Variants in LRRC4C observed in about 807,000 individuals in gnomAD.
LRRC4C encodes the protein leucine rich repeat containing 4C.
A neutral mutation model predicts 33.6 loss-of-function variants in LRRC4C; 5 were observed. The observed-to-expected ratio is 0.15, with a 90% CI of 0.08 to 0.31. The LOEUF (loss-of-function observed/expected upper bound fraction) is 0.31. Among genes scored for constraint, LRRC4C ranks in the 10% least tolerant of loss-of-function variants. The probability of loss-of-function intolerance (pLI) is 1.00; values close to 1 mark genes in which losing one functional copy is unlikely to be tolerated. For missense variants in LRRC4C, 560 were observed against 796.7 expected (o/e 0.70, Z 3.58); for synonymous variants, 329 against 302.0 (o/e 1.09, Z -0.93).
At chr11:40,336,865 T>C (rs1419957262) in intron 3 of LRRC4C, among the ~76,000 whole-genome samples, 10 of 148,702 alleles carry the variant, frequency 6.7e-5, no homozygotes, top group Non-Finnish European at 1.5e-4. Flanking sequence ...TAGTCCCAGC[T>C]ACTCGGGAGG....
At chr11:40,426,806 A>T (rs79882568) in intron 3 of LRRC4C, among the ~76,000 whole-genome samples, 5,566 of 152,252 alleles carry the variant, frequency 0.037, 342 homozygotes, top group African/African-American at 0.13. Context: ...ACATATAAGG[A>T]ATGTTTTAAA....
chr11:40,170,959 A>T (rs555855869), intron 5 of LRRC4C, among the ~76,000 whole-genome samples: 2 of 152,338 alleles, frequency 1.3e-5, no homozygotes, highest in Admixed American at 1.3e-4. Flanking sequence ...ATGGGAAGGC[A>T]TATAATATGT....
intron 1 of LRRC4C, among the ~76,000 whole-genome samples, chr11:41,427,085 T>C (rs1955067534): frequency 6.6e-6 from 1 of 152,170 alleles, no homozygotes; most frequent in African/African-American, 2.4e-5. Context: ...ATGGTATAGA[T>C]GTACAGGGAG....
chr11:41,164,877 C>T (rs1168194059), intron 1 of LRRC4C, among the ~76,000 whole-genome samples: 1 of 152,058 alleles, frequency 6.6e-6, no homozygotes, highest in African/African-American at 2.4e-5. Context: ...TCATAAAATC[C>T]CTCGTGGCTT....
At chr11:40,875,150 A>G (rs1954825021) in intron 2 of LRRC4C, among the ~76,000 whole-genome samples, 1 of 152,160 alleles carries the variant, frequency 6.6e-6, no homozygotes, top group African/African-American at 2.4e-5. Context: ...ATTTCTTAGA[A>G]CCAGGAAAAA....
chr11:40,154,287 C>CAAAAAAAAAAAAAAACAAAAAAAAAAAAA (rs1858481312), intron 5 of LRRC4C, among the ~76,000 whole-genome samples: 1 of 114,206 alleles, frequency 8.8e-6, no homozygotes, highest in African/African-American at 3.2e-5. Context: ...AGCTAAAAAG[C>CAAAAAAAAAAAAAAACAAAAAAAAAAAAA]AAAAAAAAAA....
intron 1 of LRRC4C, among the ~76,000 whole-genome samples, chr11:41,325,896 A>T (rs1444821639): frequency 6.6e-6 from 1 of 152,154 alleles, no homozygotes; most frequent in African/African-American, 2.4e-5. Flanking sequence ...AGCAGAAAAG[A>T]TAACTATTAG....
At chr11:41,225,052 T>C (rs1947468624) in intron 1 of LRRC4C, among the ~76,000 whole-genome samples, 1 of 152,112 alleles carries the variant, frequency 6.6e-6, no homozygotes, top group African/African-American at 2.4e-5. Flanking sequence ...CACGTTCTCA[T>C]TTATCTGTGG....
intron 1 of LRRC4C, among the ~76,000 whole-genome samples, chr11:41,318,408 A>G (rs568881234): frequency 3.4e-4 from 52 of 152,314 alleles, no homozygotes; most frequent in Admixed American, 7.2e-4. Flanking sequence ...AACAAATTCT[A>G]CTGTATTGGA....
At chr11:41,166,163 T>C (rs1252383071) in intron 1 of LRRC4C, among the ~76,000 whole-genome samples, 2 of 151,918 alleles carry the variant, frequency 1.3e-5, no homozygotes, top group African/African-American at 4.8e-5. Flanking sequence ...CTTTACTAAA[T>C]AAAACAAGGT....
chr11:41,130,179 A>T (rs1942946570), intron 1 of LRRC4C, among the ~76,000 whole-genome samples: 1 of 151,782 alleles, frequency 6.6e-6, no homozygotes, highest in Admixed American at 6.6e-5. Flanking sequence ...TGTCACTTTC[A>T]TCTGTACAGT....
intron 1 of LRRC4C, among the ~76,000 whole-genome samples, chr11:41,079,308 A>G (rs1358089207): frequency 6.6e-6 from 1 of 152,224 alleles, no homozygotes; most frequent in African/African-American, 2.4e-5. Flanking sequence ...ATGGAGAAGT[A>G]GCAATATCTA....
At chr11:40,974,466 A>G (rs1851940549) in intron 1 of LRRC4C, among the ~76,000 whole-genome samples, 1 of 152,214 alleles carries the variant, frequency 6.6e-6, no homozygotes, top group Non-Finnish European at 1.5e-5. Context: ...CGTCTGTTCA[A>G]AGTGAATGTT....
intron 1 of LRRC4C, among the ~76,000 whole-genome samples, chr11:41,174,452 T>G (rs1362780466): frequency 2.0e-5 from 3 of 152,148 alleles, no homozygotes; most frequent in Admixed American, 2.0e-4. Flanking sequence ...ATATTATAAC[T>G]GATTCAGTCT....
chr11:40,629,197 A>T (rs1963245261), intron 3 of LRRC4C, among the ~76,000 whole-genome samples: 1 of 152,168 alleles, frequency 6.6e-6, no homozygotes, highest in South Asian at 2.1e-4. Flanking sequence ...GTTGATACTA[A>T]TATTCAATTT....
At chr11:40,877,311 C>T (rs1954950972) in intron 2 of LRRC4C, among the ~76,000 whole-genome samples, 1 of 152,126 alleles carries the variant, frequency 6.6e-6, no homozygotes, top group African/African-American at 2.4e-5. Context: ...TGTAATTATT[C>T]AAAGACTTAA....
chr11:41,311,145 T>C (rs1402575922), intron 1 of LRRC4C, among the ~76,000 whole-genome samples: 1 of 152,238 alleles, frequency 6.6e-6, no homozygotes, highest in East Asian at 1.9e-4. Context: ...CTTGTGGAGC[T>C]GCTGATGACA....
chr11:40,667,805 C>G (rs1004221303), intron 2 of LRRC4C, among the ~76,000 whole-genome samples: 6 of 152,166 alleles, frequency 3.9e-5, no homozygotes, highest in African/African-American at 1.4e-4. Flanking sequence ...AGAAGGCAGC[C>G]TGGCCAACCC....
At chr11:40,981,287 G>A (rs760139695) in intron 1 of LRRC4C, among the ~76,000 whole-genome samples, 24 of 152,004 alleles carry the variant, frequency 1.6e-4, no homozygotes, top group Admixed American at 7.2e-4. Flanking sequence ...GGTGGTGTGC[G>A]CCTGTAGTCC....
Sources: allele counts gnomAD v4.1 joint callset (sites outside exome capture counted in the v4.1 genomes callset), GRCh38; gene constraint gnomAD v4.1.1; transcripts MANE v1.5; gene names NCBI Gene and HGNC (gene_info 2026-07-23, HGNC 2026-07-21).